The following OSBPL9 variants were observed in gnomAD, a reference collection of about 807,000 sequenced individuals.
The protein encoded by OSBPL9 is oxysterol binding protein like 9.
OSBPL9 carries 40 observed loss-of-function variants against 106.6 expected under a neutral mutation model. The observed-to-expected ratio is 0.38, with a 90% CI of 0.29 to 0.49. OSBPL9 has a LOEUF of 0.49. Among genes scored for constraint, OSBPL9 ranks in the 20% least tolerant of loss-of-function variants. OSBPL9 has a pLI of 0.97. For missense variants in OSBPL9, 609 were observed against 887.2 expected, an observed-to-expected ratio of 0.69 and a Z score of 3.98; for synonymous variants, 269 against 295.4, an observed-to-expected ratio of 0.91 and a Z score of 0.92.
the OSBPL9 span, among the ~76,000 whole-genome samples, chr1:51,531,794 A>T: frequency 2.0e-5 from 3 of 152,132 alleles, no homozygotes; most frequent in African/African-American, 7.2e-5. Context: ...GTTGGGTGAG[A>T]CTGTCCAAGT....
In OSBPL9 at chr1:51,789,081, A is replaced by T; in HGVS notation, c.*1292A>T. ...CTCCTACAGTAACCCTGGGTTTATT[A>T]GTCTCAACAAAGGATAAAAAGTAAA... On this transcript the variant is annotated 3_prime_UTR_variant, in exon 24 of 24. Transcript: ENST00000428468. 1 of 735,924 alleles carries T rather than the reference A, an allele frequency of 1.4e-6. No individual in the cohort carries two copies. Among genetic ancestry groups the T allele is most frequent in the South Asian group, 1.8e-5 (1 of 56,580 alleles). 45.6% of individuals were successfully genotyped at this position (735,924 alleles called of 1,614,324 possible).
intron 3 of OSBPL9, among the ~76,000 whole-genome samples, chr1:51,692,985 AT>A (rs1278745350): frequency 6.6e-6 from 1 of 152,204 alleles, no homozygotes; most frequent in East Asian, 1.9e-4. Flanking sequence ...AGAAGAGTTC[AT>A]TGAGAAGATA....
intron 11 of OSBPL9, 193 bp from the exon 12 acceptor site, chr1:51,765,629 G>A (rs1672395711): frequency 6.5e-6 from 3 of 461,056 alleles, no homozygotes; most frequent in Non-Finnish European, 1.2e-5. Flanking sequence ...AAAAGGCTGT[G>A]TCCTCATTTT....
intron 3 of OSBPL9, among the ~76,000 whole-genome samples, chr1:51,708,532 G>A (rs1404214039): frequency 1.3e-5 from 2 of 151,974 alleles, no homozygotes; most frequent in Admixed American, 6.6e-5. Flanking sequence ...TTGCTTTATT[G>A]ATTAATGCAA....
At position 51,760,788 on chromosome 1, in the gene OSBPL9, G is replaced by T. The variant is rs1341837823; in HGVS notation, c.673+8G>T. 6.2e-7 allele frequency: 1 copy of T among 1,613,246 alleles called. No individual in the cohort carries two copies. The highest frequency in any genetic ancestry group is 1.3e-5 in the African/African-American group (1 of 74,866). On this transcript the variant is annotated splice_region_variant and intron_variant, in intron 10 of 23. Transcript: ENST00000428468. ...AGACTGTGTTACCTCCAGGTAATTTGGGAAAATGTTTCTTAGATTCATTGA... is the reference window on the plus strand; with the variant it reads ...AGACTGTGTTACCTCCAGGTAATTTTGGAAAATGTTTCTTAGATTCATTGA...
chr1:51,609,304 T>G (rs1643969319), intron 2 of OSBPL9, among the ~76,000 whole-genome samples: 1 of 151,832 alleles, frequency 6.6e-6, no homozygotes, highest in Non-Finnish European at 1.5e-5. Flanking sequence ...CATTCCCTGA[T>G]CTCAATGCTT....
Position 51,713,999 on chromosome 1 carries a change from C to A in OSBPL9, c.242-4C>A. 6.2e-7 allele frequency: 1 copy of A among 1,600,396 alleles called. No individual in the cohort carries two copies. Among genetic ancestry groups the A allele is most frequent in the Non-Finnish European group, 8.5e-7 (1 of 1,172,932 alleles). ...TAATTTTAATGTATAATCTTTTATT[C>A]CAGCCCGTGATGCTGATGAGCGAGA... On this transcript the variant is annotated splice_polypyrimidine_tract_variant and splice_region_variant and intron_variant, in intron 3 of 23. Coordinates refer to ENST00000428468, the MANE Select transcript of OSBPL9 (RefSeq NM_024586.6).
intron 8 of OSBPL9, among the ~76,000 whole-genome samples, chr1:51,751,471 T>C (rs555013886): frequency 2.0e-5 from 3 of 152,186 alleles, no homozygotes; most frequent in East Asian, 1.9e-4. Flanking sequence ...TTTCCTGTTG[T>C]AGATCATAGT....
chr1:51,706,392 G>A, intron 3 of OSBPL9, among the ~76,000 whole-genome samples: 1 of 152,034 alleles, frequency 6.6e-6, no homozygotes. Context: ...AGGGAGTTAT[G>A]AGTATGTGCA....
At chr1:51,675,461 C>T (rs543143657) in intron 3 of OSBPL9, among the ~76,000 whole-genome samples, 10 of 151,122 alleles carry the variant, frequency 6.6e-5, no homozygotes, top group Non-Finnish European at 8.8e-5. Context: ...TTATGTAGAC[C>T]GAATAAAATG....
At chr1:51,745,793 C>G (rs1358190072) in intron 5 of OSBPL9, among the ~76,000 whole-genome samples, 162 bp downstream of exon 5, 1 of 151,760 alleles carries the variant, frequency 6.6e-6, no homozygotes, top group East Asian at 1.9e-4. Flanking sequence ...ATTCAAAGGT[C>G]TTTATCTCTA....
At chr1:51,683,444 T>G (rs559187756) in intron 3 of OSBPL9, among the ~76,000 whole-genome samples, 62 of 151,060 alleles carry the variant, frequency 4.1e-4, no homozygotes. Flanking sequence ...CCTCCCAAAG[T>G]GCTGGCATTA....
chr1:51,589,800 G>A (rs997041528), intron 1 of OSBPL9, among the ~76,000 whole-genome samples: 5 of 150,476 alleles, frequency 3.3e-5, no homozygotes, highest in East Asian at 2.0e-4. Flanking sequence ...TTGGGAGGCC[G>A]AAGCAGGTGG....
intron 2 of OSBPL9, among the ~76,000 whole-genome samples, chr1:51,661,344 C>T (rs1442507219): frequency 6.6e-6 from 1 of 152,074 alleles, no homozygotes; most frequent in East Asian, 1.9e-4. Flanking sequence ...TTACCCCAAG[C>T]CGTGAGAGCA....
At chr1:51,707,355 C>G in intron 3 of OSBPL9, 1 of 180,852 alleles carries the variant, frequency 5.5e-6, no homozygotes. Context: ...CCTCTGGTGC[C>G]TGCTTCAATA....
At position 51,714,002 on chromosome 1, in the gene OSBPL9, G is replaced by C; in HGVS notation, c.242-1G>C. The stretch of plus-strand genomic sequence containing the variant: ...TTTTAATGTATAATCTTTTATTCCA[G>C]CCCGTGATGCTGATGAGCGAGAGAA... On this transcript the variant is annotated splice_acceptor_variant, in intron 3 of 23. Transcript: ENST00000428468. LOFTEE classifies it high-confidence loss of function. 1 of 1,603,414 alleles carries C rather than the reference G, an allele frequency of 6.2e-7. No homozygotes were observed. The highest frequency in any genetic ancestry group is 8.5e-7 in the Non-Finnish European group (1 of 1,174,220).
At chr1:51,714,183 G>T in intron 4 of OSBPL9, 104 bp downstream of exon 4, 1 of 769,384 alleles carries the variant, frequency 1.3e-6, no homozygotes, top group Non-Finnish European at 2.0e-6. Flanking sequence ...TGATGTAATA[G>T]GAACTTATAA....
chr1:51,585,175 T>A (rs1450846864), intron 1 of OSBPL9, among the ~76,000 whole-genome samples: 2 of 141,046 alleles, frequency 1.4e-5, no homozygotes. Context: ...CCCCATCTCT[T>A]AAAAAAAAAA....
intron 22 of OSBPL9, among the ~76,000 whole-genome samples, chr1:51,787,123 T>C (rs1677834155): frequency 6.6e-6 from 1 of 152,210 alleles, no homozygotes; most frequent in Non-Finnish European, 1.5e-5. Context: ...TTTCTTCTGT[T>C]GACCTTATCA....
Sources: allele counts gnomAD v4.1 joint callset (sites outside exome capture counted in the v4.1 genomes callset), GRCh38; gene constraint gnomAD v4.1.1; transcripts MANE v1.5; gene names NCBI Gene and HGNC (gene_info 2026-07-23, HGNC 2026-07-21).